The following FNDC3B variants were observed in gnomAD, a reference collection of about 807,000 sequenced individuals.
FNDC3B encodes fibronectin type III domain-containing protein 3B.
In FNDC3B, 12 loss-of-function variants were observed where a neutral mutation model predicts 151.5. That is an observed-to-expected ratio of 0.08 (90% CI 0.05 to 0.13). The LOEUF (loss-of-function observed/expected upper bound fraction) is 0.13. Among genes scored for constraint, FNDC3B ranks in the 10% least tolerant of loss-of-function variants. FNDC3B has a pLI of 1.00. For missense variants in FNDC3B, 1,214 were observed against 1,505.3 expected (o/e 0.81, Z 3.20); for synonymous variants, 528 against 549.0 (o/e 0.96, Z 0.54).
chr3:172,371,310 C>A (rs1734870155), intron 23 of FNDC3B, among the ~76,000 whole-genome samples: 2 of 152,110 alleles, frequency 1.3e-5, no homozygotes, highest in African/African-American at 2.4e-5. Flanking sequence ...AAAAGCAGAA[C>A]ATGTTCAGTA....
At chr3:172,066,144 T>C (rs1295664809) in intron 1 of FNDC3B, among the ~76,000 whole-genome samples, 6 of 152,162 alleles carry the variant, frequency 3.9e-5, no homozygotes, top group African/African-American at 1.2e-4. Flanking sequence ...ACAACTGTTA[T>C]TTAGTAGCTT....
intron 3 of FNDC3B, among the ~76,000 whole-genome samples, chr3:172,172,650 C>G (rs1263455144): frequency 6.6e-6 from 1 of 152,032 alleles, no homozygotes; most frequent in African/African-American, 2.4e-5. Flanking sequence ...TGGGGAACTC[C>G]CAGATTCTTT....
At chr3:172,107,920 A>C (rs1325838482) in intron 1 of FNDC3B, among the ~76,000 whole-genome samples, 5 of 152,112 alleles carry the variant, frequency 3.3e-5, no homozygotes, top group Non-Finnish European at 7.4e-5. Context: ...TAAGCATAAG[A>C]ACTTATTGGG....
intron 3 of FNDC3B, among the ~76,000 whole-genome samples, chr3:172,158,688 G>C (rs1182465672): frequency 1.3e-5 from 2 of 152,044 alleles, no homozygotes; most frequent in African/African-American, 4.8e-5. Flanking sequence ...TATGGTTTTG[G>C]TGTGAAGTCT....
intron 3 of FNDC3B, among the ~76,000 whole-genome samples, chr3:172,201,792 C>T (rs4378992): frequency 0.012 from 1,894 of 152,200 alleles, 34 homozygotes; most frequent in African/African-American, 0.044. Context: ...AATAAATTTA[C>T]GGGATGCCCA....
intron 3 of FNDC3B, among the ~76,000 whole-genome samples, chr3:172,175,763 G>GT (rs1295827005): frequency 1.3e-5 from 2 of 152,164 alleles, no homozygotes; most frequent in Non-Finnish European, 2.9e-5. Context: ...TGAGAACCTT[G>GT]TACCGCGTTG....
intron 5 of FNDC3B, among the ~76,000 whole-genome samples, chr3:172,249,986 C>T (rs548738750): frequency 1.8e-4 from 28 of 152,168 alleles, no homozygotes; most frequent in African/African-American, 2.6e-4. Context: ...CCTTCCTTTT[C>T]GCTCTCAGAA....
At chr3:172,301,389 T>G (rs892288009) in intron 9 of FNDC3B, among the ~76,000 whole-genome samples, 1 of 152,226 alleles carries the variant, frequency 6.6e-6, no homozygotes, top group Non-Finnish European at 1.5e-5. Context: ...CAAAATCTCT[T>G]TTTACAGTCC....
chr3:172,342,201 A>G (rs1267787446), intron 17 of FNDC3B, among the ~76,000 whole-genome samples: 1 of 152,172 alleles, frequency 6.6e-6, no homozygotes, highest in South Asian at 2.1e-4. Flanking sequence ...TAGACTGCCC[A>G]TGTAGACACT....
intron 22 of FNDC3B, among the ~76,000 whole-genome samples, chr3:172,357,243 T>C (rs1734140173): frequency 6.6e-6 from 1 of 152,224 alleles, no homozygotes; most frequent in Non-Finnish European, 1.5e-5. Flanking sequence ...CACATCAGCC[T>C]AGCCAAGAAG....
At chr3:172,279,899 C>CGTTGTTGTT (rs59528273) in intron 6 of FNDC3B, among the ~76,000 whole-genome samples, 4 of 151,356 alleles carry the variant, frequency 2.6e-5, no homozygotes, top group African/African-American at 9.7e-5. Context: ...AACACATATT[C>CGTTGTTGTT]GTTGTTGTTG....
At chr3:172,041,721 T>C (rs1045057467) in intron 1 of FNDC3B, among the ~76,000 whole-genome samples, 3 of 152,180 alleles carry the variant, frequency 2.0e-5, no homozygotes, top group African/African-American at 7.2e-5. Flanking sequence ...GCTATGAACC[T>C]GGGTGCCCGG....
intron 4 of FNDC3B, among the ~76,000 whole-genome samples, chr3:172,241,641 T>G (rs955824629): frequency 6.6e-6 from 1 of 151,922 alleles, no homozygotes; most frequent in Non-Finnish European, 1.5e-5. Flanking sequence ...TTCACTATCA[T>G]GAGAACAGCA....
chr3:172,086,718 G>A (rs1718565935), intron 1 of FNDC3B, among the ~76,000 whole-genome samples: 1 of 152,148 alleles, frequency 6.6e-6, no homozygotes, highest in African/African-American at 2.4e-5. Flanking sequence ...TATCCAAAAG[G>A]CATTCTCTAG....
At chr3:172,239,580 A>G (rs1001189404) in intron 4 of FNDC3B, among the ~76,000 whole-genome samples, 6 of 151,992 alleles carry the variant, frequency 3.9e-5, no homozygotes, top group Admixed American at 1.3e-4. Context: ...CATTTCCTGG[A>G]TCATCCTGGG....
intron 3 of FNDC3B, among the ~76,000 whole-genome samples, chr3:172,156,543 G>A (rs1055915570): frequency 3.3e-5 from 5 of 152,228 alleles, no homozygotes; most frequent in African/African-American, 9.7e-5. Context: ...TTTCCGTTGC[G>A]TTGCAAGAAG....
intron 3 of FNDC3B, among the ~76,000 whole-genome samples, chr3:172,185,782 G>C (rs773426071): frequency 6.6e-6 from 1 of 152,172 alleles, no homozygotes; most frequent in African/African-American, 2.4e-5. Context: ...ATAATTTGAC[G>C]TATTTGCGGT....
intron 1 of FNDC3B, among the ~76,000 whole-genome samples, chr3:172,080,444 T>A (rs28482454): frequency 0.012 from 218 of 18,872 alleles, 2 homozygotes; most frequent in African/African-American, 0.035. Flanking sequence ...CTAATTTAAA[T>A]TTTTTTTTTT....
chr3:172,304,873 G>A (rs1433536322), intron 9 of FNDC3B, among the ~76,000 whole-genome samples: 1 of 150,920 alleles, frequency 6.6e-6, no homozygotes, highest in African/African-American at 2.4e-5. Context: ...CCCCAGCCTA[G>A]GCGACAGAGC....
Sources: gnomAD v4.1 joint callset for allele counts (sites outside exome capture counted in the v4.1 genomes callset) on GRCh38, gnomAD v4.1.1 for gene constraint, MANE v1.5 for transcripts, NCBI Gene and HGNC (gene_info 2026-07-23, HGNC 2026-07-21) for gene names.